The following LBH variants were observed in gnomAD, a reference collection of about 807,000 sequenced individuals.
LBH encodes the protein LBH regulator of Wnt signaling pathway.
A neutral mutation model predicts 12.5 loss-of-function variants in LBH; 7 were observed. That is an observed-to-expected ratio of 0.56 (90% CI 0.32 to 1.05). The LOEUF is 1.05. LBH is among the 50% of genes least tolerant of loss of function. The pLI is 0.04. For synonymous variants in LBH, 51 were observed against 50.1 expected, an observed-to-expected ratio of 1.02 and a Z score of -0.08; for missense variants, 119 against 138.9, an observed-to-expected ratio of 0.86 and a Z score of 0.72.
At chr2:30,234,302 CT>C in intron 1 of LBH, 102 bp from the exon 2 acceptor site, 3 of 900,960 alleles carry the variant, frequency 3.3e-6, no homozygotes, top group Non-Finnish European at 1.8e-6. Flanking sequence ...ACCTCTCTTC[CT>C]GTCTCCAGAC....
intron 1 of LBH, chr2:30,232,331 C>A: frequency 1.6e-6 from 2 of 1,261,726 alleles, no homozygotes; most frequent in East Asian, 2.9e-5. Context: ...CCTGCCCTCT[C>A]CACCGCCCCT....
chr2:30,234,332 C>T, intron 1 of LBH, 73 bp from the exon 2 acceptor site: 5 of 1,116,990 alleles, frequency 4.5e-6, no homozygotes, highest in Middle Eastern at 3.9e-4. Flanking sequence ...GATCCCACAG[C>T]AGTGAATGCA....
intron 2 of LBH, among the ~76,000 whole-genome samples, chr2:30,246,810 T>G (rs1426936340): frequency 7.1e-6 from 1 of 140,008 alleles, no homozygotes; most frequent in East Asian, 2.4e-4. Flanking sequence ...ACTCACTCCC[T>G]CCCTCCCTCC....
rs1678108009 is a variant in LBH at position 30,257,590 on chromosome 2, A to G, written c.287A>G (p.Glu96Gly). Residue 96 changes from glutamate (E) to glycine (G), a missense_variant, in exon 3 of 3, where the codon GAA (glutamate) becomes GGA (glycine). Glu to Gly is a moderately conservative substitution (Grantham distance 98). Transcript: ENST00000395323. ...LVQEDEQDNC[E>G]ETAKENKEQ Reference sequence around the variant, plus strand: ...CAGGAGGATGAGCAAGATAACTGCGAAGAGACAGCGAAAGAAAATAAAGAG... The same window carrying G: ...CAGGAGGATGAGCAAGATAACTGCGGAGAGACAGCGAAAGAAAATAAAGAG... 6.2e-7 allele frequency: 1 copy of G among 1,613,362 alleles called. No homozygotes were observed. The highest frequency in any genetic ancestry group is 1.3e-5 in the African/African-American group (1 of 74,858).
At chr2:30,256,321 G>A (rs770035595) in intron 2 of LBH, among the ~76,000 whole-genome samples, 5 of 152,092 alleles carry the variant, frequency 3.3e-5, no homozygotes, top group African/African-American at 7.2e-5. Flanking sequence ...ACTCCTTCAG[G>A]TGTAGAGCTG....
intron 2 of LBH, among the ~76,000 whole-genome samples, chr2:30,244,475 CT>C (rs1174294710): frequency 3.3e-5 from 5 of 152,188 alleles, no homozygotes; most frequent in Non-Finnish European, 7.4e-5. Context: ...GCCTTCTTCT[CT>C]TGCTTTTTGC....
At chr2:30,240,758 C>G (rs1032554803) in intron 2 of LBH, among the ~76,000 whole-genome samples, 1 of 152,222 alleles carries the variant, frequency 6.6e-6, no homozygotes, top group Admixed American at 6.5e-5. Flanking sequence ...CAAGCCCCCT[C>G]TCCGGTGGAC....
intron 2 of LBH, among the ~76,000 whole-genome samples, chr2:30,248,194 A>C (rs532830883): frequency 6.6e-5 from 10 of 152,344 alleles, no homozygotes; most frequent in Admixed American, 2.6e-4. Flanking sequence ...GTTGTGATCA[A>C]CTAAAATCTC....
At chr2:30,234,154 A>C (rs60001273) in intron 1 of LBH, 7 of 485,000 alleles carry the variant, frequency 1.4e-5, no homozygotes, top group African/African-American at 7.8e-5. Context: ...ACTAGAGTAC[A>C]GGAGAGGAGG....
At position 30,250,942 on chromosome 2, in the gene LBH, A is replaced by G. The variant is rs538543758; in HGVS notation, c.130-6491A>G. On this transcript the variant is annotated intron_variant, in intron 2 of 2. Coordinates refer to ENST00000395323, the MANE Select transcript of LBH (RefSeq NM_030915.4). ...GCCACTCGCCACACAGGGCCATTTAAGGTTACATTAAATTGATATTTATAG... is the reference window on the plus strand; with the variant it reads ...GCCACTCGCCACACAGGGCCATTTAGGGTTACATTAAATTGATATTTATAG... 7.3e-4 allele frequency among the ~76,000 whole-genome samples: 111 copies of G among 152,226 alleles called. 1 individual carries two copies. Among genetic ancestry groups the G allele is most frequent in the African/African-American group, 2.6e-3 (110 of 41,562 alleles).
At chr2:30,249,686 C>T (rs543030874) in intron 2 of LBH, among the ~76,000 whole-genome samples, 4 of 152,302 alleles carry the variant, frequency 2.6e-5, no homozygotes, top group African/African-American at 9.6e-5. Flanking sequence ...GGCACAAGCC[C>T]AGGAGTGCTG....
intron 2 of LBH, among the ~76,000 whole-genome samples, chr2:30,255,918 G>C (rs12714304): frequency 0.22 from 32,914 of 152,156 alleles, 4,261 homozygotes; most frequent in Middle Eastern, 0.31. Flanking sequence ...TGAACAAGCT[G>C]TGTGACCTTA....
chr2:30,244,755 A>T (rs368906991), intron 2 of LBH, among the ~76,000 whole-genome samples: 35 of 152,166 alleles, frequency 2.3e-4, no homozygotes, highest in African/African-American at 6.0e-4. Flanking sequence ...TACAAAAAAA[A>T]ATTAGCCAGG....
chr2:30,257,860 A>T lies in LBH; in HGVS notation c.*239A>T. On this transcript the variant is annotated 3_prime_UTR_variant, in exon 3 of 3. Transcript: ENST00000395323. ...ATTTGCAAGGCCCTCTGAGAAAGGA[A>T]GCTGCTTAGAGCCAGGGGGTTAGTG... The T allele has an allele frequency of 1.9e-5, 7 of 366,958 alleles. No homozygotes were observed. Among genetic ancestry groups the T allele is most frequent in the East Asian group, 1.1e-4 (2 of 18,032 alleles). 22.7% of individuals were successfully genotyped at this position (366,958 alleles called of 1,614,324 possible).
chr2:30,239,391 C>T (rs889917175), intron 2 of LBH, among the ~76,000 whole-genome samples: 3 of 152,170 alleles, frequency 2.0e-5, no homozygotes, highest in African/African-American at 4.8e-5. Context: ...CCACTCTATC[C>T]GCCTCCTCCT....
At chr2:30,255,644 G>A (rs1678071354) in intron 2 of LBH, among the ~76,000 whole-genome samples, 1 of 152,218 alleles carries the variant, frequency 6.6e-6, no homozygotes, top group Admixed American at 6.5e-5. Context: ...GGCCTGTGAT[G>A]TGGTGAGAGT....
intron 2 of LBH, among the ~76,000 whole-genome samples, chr2:30,252,579 G>A (rs192357053): frequency 0.027 from 4,093 of 152,178 alleles, 70 homozygotes; most frequent in Middle Eastern, 0.088. Context: ...GGAGAATGGC[G>A]TGAACCCAGG....
chr2:30,242,475 C>T (rs1026672095), intron 2 of LBH, among the ~76,000 whole-genome samples: 3 of 152,100 alleles, frequency 2.0e-5, no homozygotes, highest in African/African-American at 7.2e-5. Flanking sequence ...AACTCCTGCC[C>T]TCAAGTGATC....
intron 2 of LBH, among the ~76,000 whole-genome samples, chr2:30,238,953 G>A (rs756167817): frequency 1.4e-5 from 2 of 145,886 alleles, no homozygotes; most frequent in Admixed American, 7.1e-5. Flanking sequence ...GCAGTGGCGC[G>A]ATCTCTTCTC....
Sources: gnomAD v4.1 joint callset for allele counts (sites outside exome capture counted in the v4.1 genomes callset) on GRCh38, gnomAD v4.1.1 for gene constraint, MANE v1.5 for transcripts, NCBI Gene and HGNC (gene_info 2026-07-23, HGNC 2026-07-21) for gene names.